The following RAF1 variants were observed in gnomAD, a reference collection of about 807,000 sequenced individuals.
The protein encoded by RAF1 is RAF proto-oncogene serine/threonine-protein kinase.
Under a neutral mutation model 81.1 loss-of-function variants are expected in RAF1, and 27 were observed. The ratio of observed to expected loss-of-function variants is 0.33; its 90% confidence interval spans 0.25 to 0.46. The LOEUF (loss-of-function observed/expected upper bound fraction) is 0.46, where lower values mean the gene tolerates loss of function less well. Among genes scored for constraint, RAF1 ranks in the 20% least tolerant of loss-of-function variants. The pLI is 1.00. For missense variants in RAF1, 598 were observed against 826.0 expected (o/e 0.72, Z 3.38); for synonymous variants, 298 against 294.0 (o/e 1.01, Z -0.14).
rs111232804 is a variant in RAF1 at position 12,636,857 on chromosome 3, C to T, written c.-26-18110G>A. Among the ~76,000 whole-genome samples the T allele has an allele frequency of 8.7e-3, 1,316 of 152,020 alleles. 17 individuals carry two copies. The highest frequency in any genetic ancestry group is 0.029 in the African/African-American group (1,223 of 41,484). On this transcript the variant is annotated intron_variant, in intron 1 of 17. Coordinates refer to ENST00000442415, the MANE Select transcript of RAF1 (RefSeq NM_001354689.3). The stretch of plus-strand genomic sequence containing the variant: ...TATTTGCTACATCAATGAACAGCAG[C>T]GGCAACAACAGTTTCATTACATACT...
chr3:12,641,376 AAAG>A (rs1178930610), intron 1 of RAF1, among the ~76,000 whole-genome samples: 1 of 152,076 alleles, frequency 6.6e-6, no homozygotes, highest in African/African-American at 2.4e-5. Context: ...ATTAAAAAAA[AAAG>A]AATGTACAGA....
chr3:12,599,895 T>C, intron 10 of RAF1, 87 bp from the exon 10 acceptor site: 1 of 1,213,862 alleles, frequency 8.2e-7, no homozygotes, highest in Non-Finnish European at 1.2e-6. Flanking sequence ...ACCCATGTCA[T>C]CTGTTTCCAT....
Position 12,584,782 on chromosome 3 carries a change from C to T in RAF1, c.1863+65G>A, listed in dbSNP as rs2058269040. On this transcript the variant is annotated intron_variant, in intron 17 of 17. Coordinates refer to ENST00000442415, the MANE Select transcript of RAF1 (RefSeq NM_001354689.3). The stretch of plus-strand genomic sequence containing the variant: ...ATAAAACAAAACAAAACACTCCCAC[C>T]TTATATTGCCATCTTTACGAACCAA... 6 of 1,613,712 alleles carry T rather than the reference C, an allele frequency of 3.7e-6. No homozygotes were observed. The East Asian group carries it at 1.1e-4, about 30-fold the overall frequency.
chr3:12,616,369 C>A (rs576633313), intron 2 of RAF1, among the ~76,000 whole-genome samples: 34 of 152,296 alleles, frequency 2.2e-4, no homozygotes, highest in African/African-American at 7.2e-4. Flanking sequence ...TCTCATAACA[C>A]ACACTTCCTA....
chr3:12,636,317 G>A (rs1396564929), intron 1 of RAF1, among the ~76,000 whole-genome samples: 1 of 151,152 alleles, frequency 6.6e-6, no homozygotes, highest in Non-Finnish European at 1.5e-5. Flanking sequence ...GCTGGGTTTG[G>A]TGGTACATAC....
intron 1 of RAF1, among the ~76,000 whole-genome samples, chr3:12,633,857 C>T (rs1322929361): frequency 6.6e-6 from 1 of 150,464 alleles, no homozygotes; most frequent in East Asian, 2.0e-4. Flanking sequence ...ATCCCTTGAA[C>T]CCAGGAGGCA....
Position 12,626,783 on chromosome 3 carries a change from G to A in RAF1, c.-26-8036C>T, listed in dbSNP as rs559827368. ...TCACGCCTGTAATCCCAGCACTTTG[G>A]GAGGCTGAGGCAGGTGAATTACCTG... is the stretch of plus-strand genomic sequence containing the variant. On this transcript the variant is annotated intron_variant, in intron 1 of 17. Transcript: ENST00000442415. 2.6e-4 allele frequency among the ~76,000 whole-genome samples: 40 copies of A among 151,826 alleles called. No individual in the cohort carries two copies. The South Asian group carries it at 7.5e-3, about 28-fold the overall frequency.
Position 12,585,125 on chromosome 3 carries a change from A to T in RAF1, c.1725T>A (p.Asp575Glu), listed in dbSNP as rs2125321556. The T allele has an allele frequency of 6.2e-7, 1 of 1,614,074 alleles. No homozygotes were observed. The highest frequency in any genetic ancestry group is 8.5e-7 in the Non-Finnish European group (1 of 1,180,014). The change falls in exon 16 of 18, where the codon GAT (aspartate) becomes GAA (glutamate). Residue 575 changes from aspartate to glutamate, a missense_variant. Transcript: ENST00000442415. The stretch of plus-strand genomic sequence containing the variant: ...TTTCGCACCAGCACAGACTTACCTG[A>T]TCTCGGTTGTTGATGTGAGAATAAG...
At chr3:12,641,495 T>G (rs1387763907) in intron 1 of RAF1, among the ~76,000 whole-genome samples, 8 of 149,822 alleles carry the variant, frequency 5.3e-5, no homozygotes, top group Middle Eastern at 3.4e-3. Context: ...TTTTGGTTTT[T>G]TTTTTTTTTT....
chr3:12,600,531 A>G, intron 8 of RAF1, 116 bp from the exon 8 acceptor site: 1 of 1,173,288 alleles, frequency 8.5e-7, no homozygotes, highest in Non-Finnish European at 1.2e-6. Flanking sequence ...ACCTCTAAAA[A>G]CCATAGAAAT....
At chr3:12,617,845 C>CGAGA (rs2059421893) in intron 2 of RAF1, among the ~76,000 whole-genome samples, 1 of 143,742 alleles carries the variant, frequency 7.0e-6, no homozygotes, top group Admixed American at 7.3e-5. Flanking sequence ...GTGAGCTGCA[C>CGAGA]TCCAGCCTGG....
intron 1 of RAF1, among the ~76,000 whole-genome samples, chr3:12,643,172 A>G (rs1559478812): frequency 1.3e-5 from 2 of 152,172 alleles, no homozygotes; most frequent in Non-Finnish European, 1.5e-5. Flanking sequence ...TAAAAGCACA[A>G]TATCTACCAC....
chr3:12,591,193 C>T (rs2058505078), intron 12 of RAF1, among the ~76,000 whole-genome samples: 1 of 152,108 alleles, frequency 6.6e-6, no homozygotes, highest in Non-Finnish European at 1.5e-5. Context: ...CAGTTCAGTG[C>T]CAGCCTTGCT....
chr3:12,663,574 C>A (rs1470000229), intron 1 of RAF1, among the ~76,000 whole-genome samples: 1 of 152,256 alleles, frequency 6.6e-6, no homozygotes, highest in Non-Finnish European at 1.5e-5. Context: ...TGGCACGTTT[C>A]CGCCAAACAC....
intron 11 of RAF1, among the ~76,000 whole-genome samples, chr3:12,598,163 C>T (rs1474591502): frequency 1.3e-5 from 2 of 151,596 alleles, no homozygotes; most frequent in East Asian, 2.0e-4. Flanking sequence ...GGACTACAGG[C>T]GAGTGCCATC....
At chr3:12,616,459 G>A (rs1013421069) in intron 2 of RAF1, among the ~76,000 whole-genome samples, 1 of 152,134 alleles carries the variant, frequency 6.6e-6, no homozygotes, top group African/African-American at 2.4e-5. Context: ...GAAGACCATT[G>A]TTCAGATATA....
chr3:12,618,963 C>T (rs551730268), intron 1 of RAF1, among the ~76,000 whole-genome samples: 8 of 152,296 alleles, frequency 5.3e-5, no homozygotes, highest in Non-Finnish European at 8.8e-5. Context: ...TAGCAAGCAA[C>T]TGCGGGGCAC....
At chr3:12,641,122 C>T (rs1473911429) in intron 1 of RAF1, among the ~76,000 whole-genome samples, 1 of 149,448 alleles carries the variant, frequency 6.7e-6, no homozygotes, top group Non-Finnish European at 1.5e-5. Flanking sequence ...GACAGAAAAC[C>T]AAACGCCGCA....
In RAF1 at chr3:12,600,279, G is replaced by A. The variant is rs373658870; in HGVS notation, c.923C>T (p.Ala308Val). The change falls in exon 10 of 18, where the codon GCC (alanine) becomes GTC (valine). Residue 308 changes from alanine to valine, a missense_variant and splice_region_variant. By Grantham distance (64) the Ala-to-Val change is moderately conservative. This residue lies in a region of RAF1 where 194 missense variants were observed against 202.7 expected (regional missense o/e 0.96). Transcript: ENST00000442415. ...GCTACTGGACAGGGCTGAAGGTGAG[G>A]CTTAATAGACAAGACAAACAGAAGC... 1 of 1,614,012 alleles carries A rather than the reference G, an allele frequency of 6.2e-7. No individual in the cohort carries two copies. The highest frequency in any genetic ancestry group is 8.5e-7 in the Non-Finnish European group (1 of 1,180,048).
Sources: gnomAD v4.1 joint callset for allele counts (sites outside exome capture counted in the v4.1 genomes callset) on GRCh38, gnomAD v4.1.1 for gene constraint, gnomAD v4.1.1 regional missense constraint, MANE v1.5 for transcripts, NCBI Gene and HGNC (gene_info 2026-07-23, HGNC 2026-07-21) for gene names.